ELOVL6: variants seen among roughly 807,000 people sequenced by gnomAD.
The protein encoded by ELOVL6 is ELOVL fatty acid elongase 6.
A neutral mutation model predicts 31.7 loss-of-function variants in ELOVL6; 8 were observed. The observed-to-expected ratio is 0.25, with a 90% confidence interval of 0.15 to 0.45. The LOEUF is 0.45. ELOVL6 is among the 20% of genes least tolerant of loss of function. ELOVL6 has a pLI of 1.00. For missense variants in ELOVL6, 126 were observed against 326.4 expected (o/e 0.39, Z 4.73); for synonymous variants, 101 against 117.7 (o/e 0.86, Z 0.92).
chr4:110,180,374 T>TTA (rs200359977), intron 1 of ELOVL6, among the ~76,000 whole-genome samples: 2,381 of 134,690 alleles, frequency 0.018, 61 homozygotes, highest in African/African-American at 0.063. Flanking sequence ...ATTTATTTAC[T>TTA]TATATATGTA....
intron 1 of ELOVL6, among the ~76,000 whole-genome samples, chr4:110,129,862 A>AT (rs1189586459): frequency 8.2e-6 from 1 of 122,070 alleles, no homozygotes; most frequent in Non-Finnish European, 1.7e-5. Context: ...CTATTTGTTG[A>AT]TTTTTTCCAT....
At chr4:110,137,382 C>T (rs556163160) in intron 1 of ELOVL6, among the ~76,000 whole-genome samples, 1 of 152,228 alleles carries the variant, frequency 6.6e-6, no homozygotes, top group East Asian at 1.9e-4. Flanking sequence ...GACTAACTTT[C>T]TTTGGGGCAA....
At chr4:110,169,758 T>A (rs1261412937) in intron 1 of ELOVL6, among the ~76,000 whole-genome samples, 1 of 151,906 alleles carries the variant, frequency 6.6e-6, no homozygotes, top group Non-Finnish European at 1.5e-5. Flanking sequence ...TTTATTTTTA[T>A]GAATTTATGC....
chr4:110,098,570 T>A (rs1184510687), intron 2 of ELOVL6, among the ~76,000 whole-genome samples: 2 of 152,134 alleles, frequency 1.3e-5, no homozygotes, highest in Non-Finnish European at 2.9e-5. Flanking sequence ...TTTCTCTCCT[T>A]CCCTTCCCCT....
intron 1 of ELOVL6, among the ~76,000 whole-genome samples, chr4:110,142,996 G>C (rs144964776): frequency 6.6e-6 from 1 of 152,096 alleles, no homozygotes; most frequent in Admixed American, 6.5e-5. Flanking sequence ...TACTTCCACA[G>C]ATCCTTAAAT....
Position 110,049,010 on chromosome 4 carries a change from C to T in ELOVL6, c.*2328G>A, listed in dbSNP as rs977750150. The T allele has an allele frequency of 4.6e-5, 7 of 152,200 alleles. No individual in the cohort carries two copies. Among genetic ancestry groups the T allele is most frequent in the African/African-American group, 1.4e-4 (6 of 41,448 alleles). 9.4% of individuals were successfully genotyped at this position (152,200 alleles called of 1,614,324 possible). A position where few individuals can be genotyped will look rare whatever the true frequency, so the allele number is the denominator to read the frequency against. On this transcript the variant is annotated 3_prime_UTR_variant, in exon 4 of 4. Transcript: ENST00000302274. ...CCAGATGAGCCTCCAATGGGTCCTT[C>T]AATTAAATTCAAGTCAACTGTTATG...
intron 2 of ELOVL6, among the ~76,000 whole-genome samples, chr4:110,084,169 A>ATATATGATATATAACATAACT (rs1756060459): frequency 2.3e-5 from 1 of 43,092 alleles, no homozygotes. Context: ...TATATGTGAT[A>ATATATGATATATAACATAACT]TATATGATAT....
intron 1 of ELOVL6, among the ~76,000 whole-genome samples, chr4:110,179,111 A>C (rs1025767911): frequency 5.9e-5 from 9 of 152,212 alleles, no homozygotes; most frequent in African/African-American, 9.7e-5. Context: ...TCTTTAAAAA[A>C]AAAAAGATTA....
At chr4:110,177,901 A>G (rs1023177009) in intron 1 of ELOVL6, among the ~76,000 whole-genome samples, 1 of 152,212 alleles carries the variant, frequency 6.6e-6, no homozygotes, top group Admixed American at 6.5e-5. Flanking sequence ...AAAATGACAT[A>G]ATCCATGAAG....
chr4:110,075,597 G>T (rs1053117794), intron 2 of ELOVL6, among the ~76,000 whole-genome samples: 3 of 152,122 alleles, frequency 2.0e-5, no homozygotes, highest in Non-Finnish European at 4.4e-5. Flanking sequence ...GGTGGTTGTT[G>T]GGTTAGGGGG....
chr4:110,192,309 T>G (rs2126282549), intron 1 of ELOVL6, among the ~76,000 whole-genome samples: 1 of 152,360 alleles, frequency 6.6e-6, no homozygotes, highest in East Asian at 1.9e-4. Flanking sequence ...CCAGCCATTT[T>G]TCTTACAAAT....
intron 1 of ELOVL6, among the ~76,000 whole-genome samples, chr4:110,176,944 A>C (rs907096129): frequency 6.6e-6 from 1 of 152,168 alleles, no homozygotes; most frequent in African/African-American, 2.4e-5. Context: ...CATGTTGGTC[A>C]GACTGGTCTC....
intron 1 of ELOVL6, among the ~76,000 whole-genome samples, chr4:110,169,243 G>T (rs7699437): frequency 0.43 from 59,490 of 137,018 alleles, 13,715 homozygotes; most frequent in Non-Finnish European, 0.52. Context: ...TTTTTGTTTT[G>T]TTTTTTTTTT....
rs1168880044 is a variant in ELOVL6, at chr4:110,084,588, ATTTTTTTTTTTTTT to A, written c.221+20895_221+20908del. On this transcript the variant is annotated intron_variant, in intron 2 of 3. Coordinates refer to ENST00000302274, the MANE Select transcript of ELOVL6 (RefSeq NM_024090.3). Reference sequence around the variant, plus strand: ...GATATATATATATATATATATATATATTTTTTTTTTTTTTTTTTTTTTTTGAGATGGAGTCTTGC... The same window carrying A: ...GATATATATATATATATATATATATATTTTTTTTTTGAGATGGAGTCTTGC... 1.6e-3 allele frequency among the ~76,000 whole-genome samples: 47 copies of A among 29,650 alleles called. 2 individuals carry two copies. The highest frequency in any genetic ancestry group is 3.9e-3 in the African/African-American group (18 of 4,586). 19.5% of individuals were successfully genotyped at this position (29,650 alleles called of 152,430 possible).
chr4:110,061,549 CTT>C (rs57846282), intron 2 of ELOVL6, among the ~76,000 whole-genome samples: 53 of 72,368 alleles, frequency 7.3e-4, no homozygotes, highest in African/African-American at 1.9e-3. Context: ...CAAATGATGG[CTT>C]TTTTTTTTTT....
At chr4:110,184,019 AT>A (rs1759371755) in intron 1 of ELOVL6, among the ~76,000 whole-genome samples, 1 of 152,208 alleles carries the variant, frequency 6.6e-6, no homozygotes, top group African/African-American at 2.4e-5. Context: ...AAATAAAAAA[AT>A]CATCTCTCTC....
upstream of ELOVL6, chr4:110,198,944 A>T (rs896321584): frequency 3.9e-5 from 6 of 152,274 alleles, no homozygotes; most frequent in African/African-American, 1.4e-4. Context: ...GAAATAGTAA[A>T]ACCTGCCAGC....
intron 1 of ELOVL6, among the ~76,000 whole-genome samples, chr4:110,196,182 T>C (rs1759773162): frequency 6.6e-6 from 1 of 151,434 alleles, no homozygotes; most frequent in African/African-American, 2.4e-5. Flanking sequence ...GGGCGTACAG[T>C]GAATGGGGTC....
chr4:110,162,376 CA>C (rs1300885714), intron 1 of ELOVL6, among the ~76,000 whole-genome samples: 1 of 152,132 alleles, frequency 6.6e-6, no homozygotes, highest in Non-Finnish European at 1.5e-5. Flanking sequence ...GACAGGGTCT[CA>C]ATGTGTTGCC....
Sources: allele counts gnomAD v4.1 joint callset (sites outside exome capture counted in the v4.1 genomes callset), GRCh38; gene constraint gnomAD v4.1.1; transcripts MANE v1.5; gene names NCBI Gene and HGNC (gene_info 2026-07-23, HGNC 2026-07-21).